C16orf74: variants seen among roughly 807,000 people sequenced by gnomAD.
The protein encoded by C16orf74 is calcimembrin, also known as uncharacterized protein C16orf74.
C16orf74 carries 10 observed loss-of-function variants against 6.5 expected under a neutral mutation model. The ratio of observed to expected loss-of-function variants is 1.54; its 90% CI spans 0.95 to 2.61. The LOEUF is 2.61. C16orf74 is among the 30% of genes most tolerant of loss of function. The pLI, the probability that C16orf74 is intolerant of heterozygous loss-of-function variation, is 0.00. For missense variants in C16orf74, 141 were observed against 105.9 expected (o/e 1.33, Z -1.45); for synonymous variants, 60 against 42.5 (o/e 1.41, Z -1.60).
intron 2 of C16orf74, among the ~76,000 whole-genome samples, chr16:85,718,010 C>T (rs370278765): frequency 2.6e-5 from 4 of 152,218 alleles, no homozygotes; most frequent in South Asian, 2.1e-4. Flanking sequence ...CAGAGGTCAC[C>T]GCAGACACCC....
At chr16:85,749,344 G>A (rs551131042) in intron 1 of C16orf74, among the ~76,000 whole-genome samples, 1 of 151,998 alleles carries the variant, frequency 6.6e-6, no homozygotes, top group Admixed American at 6.6e-5. Flanking sequence ...GGAATGCAGT[G>A]GCGTGATCAT....
chr16:85,736,770 C>T (rs1039851421), intron 1 of C16orf74, among the ~76,000 whole-genome samples: 9 of 152,182 alleles, frequency 5.9e-5, no homozygotes, highest in Non-Finnish European at 1.5e-5. Context: ...ATGGGATGAG[C>T]TGGCCGGGCA....
intron 2 of C16orf74, among the ~76,000 whole-genome samples, chr16:85,712,948 T>G (rs933576827): frequency 1.3e-5 from 2 of 152,188 alleles, no homozygotes; most frequent in African/African-American, 4.8e-5. Flanking sequence ...GCCTGCAGCC[T>G]GAGCTCCAAA....
chr16:85,738,743 G>A (rs1441806918), intron 1 of C16orf74, among the ~76,000 whole-genome samples: 1 of 151,822 alleles, frequency 6.6e-6, no homozygotes, highest in African/African-American at 2.4e-5. Context: ...GCTGAGGGAC[G>A]GAGGGCCCAG....
rs181402975 is a variant in C16orf74, at chr16:85,736,350, G to C, written c.-18-1115C>G. Among the ~76,000 whole-genome samples the C allele has an allele frequency of 3.5e-3, 532 of 152,244 alleles. 8 individuals carry two copies. The highest frequency in any genetic ancestry group is 0.012 in the African/African-American group (501 of 41,544). ...GTAGCATCAGCAACCCGGAGGCTGGGGAGCAAGGCAGCAGCTCAGGCCCAC... is the reference window on the plus strand; with the variant it reads ...GTAGCATCAGCAACCCGGAGGCTGGCGAGCAAGGCAGCAGCTCAGGCCCAC... On this transcript the variant is annotated intron_variant, in intron 1 of 3. Coordinates refer to ENST00000284245, the MANE Select transcript of C16orf74 (RefSeq NM_206967.3).
At chr16:85,749,625 G>A (rs1162320785) in intron 1 of C16orf74, among the ~76,000 whole-genome samples, 2 of 152,230 alleles carry the variant, frequency 1.3e-5, no homozygotes, top group Non-Finnish European at 2.9e-5. Flanking sequence ...TATTTGGTTG[G>A]AGAGTTGGTC....
intron 2 of C16orf74, among the ~76,000 whole-genome samples, chr16:85,724,571 A>G (rs2054114446): frequency 1.3e-5 from 2 of 152,166 alleles, no homozygotes; most frequent in Admixed American, 6.5e-5. Flanking sequence ...ATGGAGGGAA[A>G]GAGCTGAACC....
chr16:85,721,573 G>A (rs1278549654), intron 2 of C16orf74, among the ~76,000 whole-genome samples: 1 of 152,178 alleles, frequency 6.6e-6, no homozygotes, highest in Non-Finnish European at 1.5e-5. Flanking sequence ...TTCCTTATCT[G>A]AAATTCATAT....
intron 2 of C16orf74, among the ~76,000 whole-genome samples, chr16:85,712,059 C>G (rs1371048262): frequency 7.2e-5 from 11 of 152,204 alleles, no homozygotes; most frequent in Non-Finnish European, 2.9e-5. Flanking sequence ...TCTTGGAACA[C>G]TTGCTCTTGG....
At chr16:85,729,304 G>C (rs949652832) in intron 2 of C16orf74, among the ~76,000 whole-genome samples, 1 of 152,238 alleles carries the variant, frequency 6.6e-6, no homozygotes, top group African/African-American at 2.4e-5. Context: ...GAGGCACGAG[G>C]GAGATTTTCT....
chr16:85,748,618 CAA>C (rs1041131282), intron 1 of C16orf74, among the ~76,000 whole-genome samples: 28 of 152,082 alleles, frequency 1.8e-4, no homozygotes, highest in African/African-American at 6.7e-4. Flanking sequence ...CAAAAAAACC[CAA>C]AAGAGTTATT....
chr16:85,739,510 G>A (rs560347987), intron 1 of C16orf74, among the ~76,000 whole-genome samples: 11 of 152,312 alleles, frequency 7.2e-5, no homozygotes, highest in African/African-American at 1.4e-4. Context: ...ACAGGGAGGC[G>A]TCACCATGAG....
chr16:85,740,816 AGT>A (rs2054297764), intron 1 of C16orf74, among the ~76,000 whole-genome samples: 1 of 137,340 alleles, frequency 7.3e-6, no homozygotes, highest in Non-Finnish European at 1.5e-5. Flanking sequence ...TGGGCAAGAG[AGT>A]GAGACCCTCA....
chr16:85,714,573 C>T (rs1318674492), intron 2 of C16orf74, among the ~76,000 whole-genome samples: 2 of 151,818 alleles, frequency 1.3e-5, no homozygotes, highest in East Asian at 1.9e-4. Flanking sequence ...GCGCCTGCCA[C>T]CACACCCAGC....
chr16:85,714,616 C>T, intron 2 of C16orf74, among the ~76,000 whole-genome samples: 1 of 151,276 alleles, frequency 6.6e-6, no homozygotes, highest in South Asian at 2.1e-4. Flanking sequence ...GACGGCGTTT[C>T]ACCATATTGG....
At chr16:85,741,921 C>T (rs1277516064) in intron 1 of C16orf74, among the ~76,000 whole-genome samples, 1 of 152,156 alleles carries the variant, frequency 6.6e-6, no homozygotes, top group African/African-American at 2.4e-5. Context: ...ATATTTGTCC[C>T]TTCCAAACCT....
intron 2 of C16orf74, among the ~76,000 whole-genome samples, chr16:85,720,152 C>T (rs2054068246): frequency 6.6e-6 from 1 of 151,920 alleles, no homozygotes; most frequent in Non-Finnish European, 1.5e-5. Flanking sequence ...GCATCCCAGG[C>T]CCGATAGAGA....
chr16:85,738,738 G>A (rs924016684), intron 1 of C16orf74, among the ~76,000 whole-genome samples: 1 of 151,880 alleles, frequency 6.6e-6, no homozygotes, highest in Non-Finnish European at 1.5e-5. Context: ...CTGGGGCTGA[G>A]GGACGGAGGG....
intron 2 of C16orf74, among the ~76,000 whole-genome samples, chr16:85,719,781 AACAGAGGGGCCACAGGCCACAGCAC>A (rs1567804477): frequency 1.9e-4 from 29 of 151,938 alleles, no homozygotes; most frequent in African/African-American, 5.8e-4. Flanking sequence ...CTGAGGCAGG[AACAGAGGGGCCACAGGCCACAGCAC>A]ACACAAAGGC....
Sources: allele counts gnomAD v4.1 joint callset (sites outside exome capture counted in the v4.1 genomes callset), GRCh38; gene constraint gnomAD v4.1.1; transcripts MANE v1.5; gene names NCBI Gene and HGNC (gene_info 2026-07-23, HGNC 2026-07-21).